The following TNIK variants were observed in gnomAD, a reference collection of about 807,000 sequenced individuals.
TNIK encodes the protein TRAF2 and NCK-interacting protein kinase.
A neutral mutation model predicts 191.3 loss-of-function variants in TNIK; 49 were observed. The ratio of observed to expected loss-of-function variants is 0.26; its 90% CI spans 0.20 to 0.32. The LOEUF (loss-of-function observed/expected upper bound fraction) is 0.32. Among genes scored for constraint, TNIK ranks in the 10% least tolerant of loss-of-function variants. The pLI, the probability that TNIK is intolerant of heterozygous loss-of-function variation, is 1.00. For missense variants in TNIK, 1,155 were observed against 1,702.3 expected (o/e 0.68, Z 5.66); for synonymous variants, 594 against 600.9 (o/e 0.99, Z 0.17).
In TNIK at chr3:171,211,185, G is replaced by A. The variant is rs770499133; in HGVS notation, c.237C>T (p.His79=). The change falls in exon 4 of 33, where the codon CAC becomes CAT. Residue 79 remains histidine (H), a synonymous_variant. Coordinates refer to ENST00000436636, the MANE Select transcript of TNIK (RefSeq NM_015028.4). ...CACCATAGTATGTAGCAATATTCCG[G>A]TGATGAGAATATTTCTTCAACATGT... ...EINMLKKYSH[H]RNIATYYGAF... is the part of the protein sequence containing the mutation. The A allele has an allele frequency of 5.6e-6, 9 of 1,612,624 alleles. No homozygotes were observed. Among genetic ancestry groups the A allele is most frequent in the Non-Finnish European group, 7.6e-6 (9 of 1,179,306 alleles).
chr3:171,071,203 A>T lies in TNIK; in HGVS notation c.3549+20T>A. 3 of 1,560,876 alleles carry T rather than the reference A, an allele frequency of 1.9e-6. No homozygotes were observed. The highest frequency in any genetic ancestry group is 1.7e-6 in the Non-Finnish European group (2 of 1,156,484). ...AAAATTTTTAAAAAGCACATTTTAG[A>T]TAATCACATCCCTGCTTACCTTAAA... is the stretch of plus-strand genomic sequence containing the variant. On this transcript the variant is annotated intron_variant, in intron 29 of 32. Coordinates refer to ENST00000436636, the MANE Select transcript of TNIK (RefSeq NM_015028.4).
intron 2 of TNIK, among the ~76,000 whole-genome samples, chr3:171,255,340 T>A (rs1447639377): frequency 6.6e-6 from 1 of 152,208 alleles, no homozygotes; most frequent in Admixed American, 6.5e-5. Flanking sequence ...AGTAGATTTT[T>A]CTAAAGCTCC....
chr3:171,148,556 G>A (rs1433325664), intron 12 of TNIK, among the ~76,000 whole-genome samples: 1 of 152,152 alleles, frequency 6.6e-6, no homozygotes, highest in Non-Finnish European at 1.5e-5. Context: ...TGAAGCCTTA[G>A]TATGAGACCC....
intron 12 of TNIK, among the ~76,000 whole-genome samples, chr3:171,148,620 T>C (rs976900254): frequency 8.5e-5 from 13 of 152,134 alleles, no homozygotes; most frequent in Admixed American, 4.6e-4. Context: ...ATTAATACAG[T>C]ATTTACAGAG....
chr3:171,243,643 C>T (rs934567104), intron 2 of TNIK, among the ~76,000 whole-genome samples: 1 of 152,030 alleles, frequency 6.6e-6, no homozygotes, highest in African/African-American at 2.4e-5. Context: ...AGTCTTAAGT[C>T]GATTTTATTA....
At chr3:171,085,877 A>G (rs1373611403) in intron 24 of TNIK, among the ~76,000 whole-genome samples, 1 of 152,248 alleles carries the variant, frequency 6.6e-6, no homozygotes, top group Admixed American at 6.5e-5. Context: ...TACGTTTGTG[A>G]GCAATGTACC....
In TNIK at chr3:171,063,190, T is replaced by C. The variant is rs1373714526; in HGVS notation, c.*691A>G. On this transcript the variant is annotated 3_prime_UTR_variant, in exon 33 of 33. Transcript: ENST00000436636. ...TCACAAAAGTGGTAGTTGATTTTAT[T>C]AGACTAGTAGTTTTAAGGCTAGTAG... 1 of 152,228 alleles carries C rather than the reference T, an allele frequency of 6.6e-6. No individual in the cohort carries two copies. The highest frequency in any genetic ancestry group is 2.4e-5 in the African/African-American group (1 of 41,468). 9.4% of individuals were successfully genotyped at this position (152,228 alleles called of 1,614,324 possible). A position where few individuals can be genotyped will look rare whatever the true frequency, so the allele number is the denominator to read the frequency against.
intron 1 of TNIK, among the ~76,000 whole-genome samples, chr3:171,426,555 A>C: frequency 6.6e-6 from 1 of 150,756 alleles, no homozygotes; most frequent in Admixed American, 6.7e-5. Flanking sequence ...AAAGTATAAT[A>C]AATATATATA....
chr3:171,420,515 A>G (rs1054427352), intron 1 of TNIK, among the ~76,000 whole-genome samples: 4 of 152,190 alleles, frequency 2.6e-5, no homozygotes, highest in African/African-American at 9.6e-5. Flanking sequence ...CAGAATAGCT[A>G]TGAGTGCAAG....
intron 15 of TNIK, among the ~76,000 whole-genome samples, chr3:171,131,567 AC>A: frequency 6.6e-6 from 1 of 152,302 alleles, no homozygotes; most frequent in African/African-American, 2.4e-5. Flanking sequence ...AGTAATTGTT[AC>A]ACTTTGAAAA....
Position 171,391,895 on chromosome 3 carries a change from A to C in TNIK, c.58-22210T>G, listed in dbSNP as rs536171450. 5.3e-5 allele frequency among the ~76,000 whole-genome samples: 8 copies of C among 152,292 alleles called. No homozygotes were observed. The South Asian group carries it at 1.7e-3, about 32-fold the overall frequency. On this transcript the variant is annotated intron_variant, in intron 1 of 32. Transcript: ENST00000436636. ...CAACCTTCAGTTTCCAAAAATATTT[A>C]TTTCTGTTTTCTGTCACAAGACACC...
At chr3:171,219,831 T>C (rs1177948584) in intron 3 of TNIK, among the ~76,000 whole-genome samples, 1 of 152,174 alleles carries the variant, frequency 6.6e-6, no homozygotes, top group African/African-American at 2.4e-5. Context: ...GAAGACAGTG[T>C]GGCAATTCCT....
intron 27 of TNIK, among the ~76,000 whole-genome samples, chr3:171,081,933 G>T (rs1323517395): frequency 6.6e-6 from 1 of 152,146 alleles, no homozygotes; most frequent in East Asian, 1.9e-4. Flanking sequence ...TCTGTATGTG[G>T]TAATAACTGG....
rs1268448938 is a variant in TNIK at position 171,223,938 on chromosome 3, T to C, written c.180+4227A>G. Among the ~76,000 whole-genome samples, 7 of 152,300 alleles carry C rather than the reference T, an allele frequency of 4.6e-5. 1 individual carries two copies. Among genetic ancestry groups the C allele is most frequent in the Admixed American group, 4.6e-4 (7 of 15,290 alleles). Reference sequence around the variant, plus strand: ...TTCTATAATAACTCTCAGGTTTTTCTTTGAGAAATCAACTCTCTCCAACTC... The same window carrying C: ...TTCTATAATAACTCTCAGGTTTTTCCTTGAGAAATCAACTCTCTCCAACTC... On this transcript the variant is annotated intron_variant, in intron 3 of 32. Transcript: ENST00000436636.
intron 1 of TNIK, among the ~76,000 whole-genome samples, chr3:171,455,961 G>A (rs1577999825): frequency 6.6e-6 from 1 of 152,178 alleles, no homozygotes; most frequent in African/African-American, 2.4e-5. Context: ...AGTAAAACAT[G>A]AGCATGAAAA....
At chr3:171,138,154 C>G in intron 15 of TNIK, 37 bp downstream of exon 15, 1 of 1,510,380 alleles carries the variant, frequency 6.6e-7, no homozygotes, top group Non-Finnish European at 8.8e-7. Flanking sequence ...GAGTCAAAAG[C>G]CTGGCCAACA....
intron 2 of TNIK, among the ~76,000 whole-genome samples, chr3:171,271,667 T>A (rs138056749): frequency 0.023 from 3,435 of 152,324 alleles, 116 homozygotes; most frequent in African/African-American, 0.077. Context: ...TTGACTTTTG[T>A]TATTTATATG....
Position 171,157,522 on chromosome 3 carries a change from G to A in TNIK, c.1159C>T (p.Leu387=), listed in dbSNP as rs1276439041. The change falls in exon 12 of 33, where the codon CTG becomes TTG. Residue 387 remains leucine, a synonymous_variant. Transcript: ENST00000436636. ...QRENEEHKRQ[L]LAERQKRIEE... is the part of the protein sequence containing the mutation. ...ATGCGCTTCTGACGCTCGGCCAGCA[G>A]CTGCCGCTTGTGCTCCTCATTCTCC... is the stretch of plus-strand genomic sequence containing the variant. 2.5e-6 allele frequency: 4 copies of A among 1,572,622 alleles called. No homozygotes were observed. Among genetic ancestry groups the A allele is most frequent in the Non-Finnish European group, 3.4e-6 (4 of 1,159,450 alleles).
At chr3:171,281,390 A>G (rs796192070) in intron 2 of TNIK, among the ~76,000 whole-genome samples, 19 of 152,310 alleles carry the variant, frequency 1.2e-4, no homozygotes, top group African/African-American at 3.8e-4. Flanking sequence ...GTATATAAGA[A>G]CTTTGTTTTC....
Sources: allele counts gnomAD v4.1 joint callset (sites outside exome capture counted in the v4.1 genomes callset), GRCh38; gene constraint gnomAD v4.1.1; transcripts MANE v1.5; gene names NCBI Gene and HGNC (gene_info 2026-07-23, HGNC 2026-07-21).